Variants in SCAF8 observed in about 807,000 individuals in gnomAD.
SCAF8 encodes SR-related and CTD-associated factor 8.
Under a neutral mutation model 140.5 loss-of-function variants are expected in SCAF8, and 23 were observed. The ratio of observed to expected loss-of-function variants is 0.16; its 90% CI spans 0.12 to 0.23. SCAF8 has a LOEUF of 0.23. SCAF8 is among the 10% of genes least tolerant of loss of function. The probability of loss-of-function intolerance (pLI) is 1.00; values close to 1 mark genes in which losing one functional copy is unlikely to be tolerated. For synonymous variants in SCAF8, 575 were observed against 528.9 expected (o/e 1.09, Z -1.20); for missense variants, 1,397 against 1,555.7 (o/e 0.90, Z 1.72).
chr6:154,749,495 C>T (rs183986652), intron 1 of SCAF8, among the ~76,000 whole-genome samples: 1 of 152,202 alleles, frequency 6.6e-6, no homozygotes, highest in Non-Finnish European at 1.5e-5. Flanking sequence ...CAAGCTCTTT[C>T]TGATGGGGTG....
At chr6:154,745,355 G>A (rs1778672315) in intron 1 of SCAF8, among the ~76,000 whole-genome samples, 1 of 152,142 alleles carries the variant, frequency 6.6e-6, no homozygotes, top group African/African-American at 2.4e-5. Flanking sequence ...TCCATTAATA[G>A]GGATGTAGAG....
rs1583039636 is a variant in SCAF8 at position 154,792,819 on chromosome 6, C to T, written c.322-4C>T. On this transcript the variant is annotated splice_region_variant and splice_polypyrimidine_tract_variant and intron_variant, in intron 4 of 19. Coordinates refer to ENST00000367178, the MANE Select transcript of SCAF8 (RefSeq NM_014892.5). ...CAAAATGTCATGTTTCTTTTTTTCT[C>T]TAGAGTAAAATAGTGAGAGTACTAA... The T allele has an allele frequency of 6.3e-7, 1 of 1,579,724 alleles. No individual in the cohort carries two copies. The highest frequency in any genetic ancestry group is 1.9e-5 in the Admixed American group (1 of 53,812).
intron 6 of SCAF8, among the ~76,000 whole-genome samples, chr6:154,799,215 C>T (rs986969472): frequency 2.7e-5 from 4 of 150,896 alleles, no homozygotes; most frequent in East Asian, 1.9e-4. Context: ...TGACCTCAGG[C>T]GATCCCCCCA....
intron 7 of SCAF8, among the ~76,000 whole-genome samples, chr6:154,803,343 A>G (rs1777823672): frequency 6.6e-6 from 1 of 152,174 alleles, no homozygotes; most frequent in South Asian, 2.1e-4. Flanking sequence ...TTGTTTTGTT[A>G]TGTAAGATAA....
At chr6:154,820,963 T>G (rs1778405562) in intron 15 of SCAF8, among the ~76,000 whole-genome samples, 1 of 152,190 alleles carries the variant, frequency 6.6e-6, no homozygotes, top group African/African-American at 2.4e-5. Flanking sequence ...ACACCTTAGC[T>G]CTTTTATCAG....
At chr6:154,817,454 A>T (rs532796885) in intron 13 of SCAF8, among the ~76,000 whole-genome samples, 1 of 152,330 alleles carries the variant, frequency 6.6e-6, no homozygotes, top group South Asian at 2.1e-4. Flanking sequence ...TGAAATGAAG[A>T]TTCATAATCC....
In SCAF8 at chr6:154,782,561, AC is replaced by A. The variant is rs1422332533; in HGVS notation, c.159+4517del. On this transcript the variant is annotated intron_variant, in intron 3 of 19. Transcript: ENST00000367178. ...TGTCAGGGTTCTCTAGAGGGACAGA[AC>A]TAATAGGATATGTGTATATATACAC... is the stretch of plus-strand genomic sequence containing the variant. 3.3e-5 allele frequency among the ~76,000 whole-genome samples: 5 copies of A among 152,298 alleles called. No individual in the cohort carries two copies. In the East Asian group the frequency reaches 9.6e-4, roughly 29 times the overall value.
chr6:154,780,732 A>G (rs978770608), intron 3 of SCAF8, among the ~76,000 whole-genome samples: 2 of 152,136 alleles, frequency 1.3e-5, no homozygotes, highest in Admixed American at 1.3e-4. Context: ...ATAGTATTCC[A>G]TGGTGTATAT....
chr6:154,777,805 T>C (rs544384141), intron 2 of SCAF8, among the ~76,000 whole-genome samples, 196 bp from the exon 3 acceptor site: 3 of 152,322 alleles, frequency 2.0e-5, no homozygotes, highest in African/African-American at 7.2e-5. Flanking sequence ...ACATCTACTT[T>C]AGAGAAGCCC....
intron 14 of SCAF8, among the ~76,000 whole-genome samples, 188 bp downstream of exon 14, chr6:154,818,780 TGA>T (rs933962096): frequency 6.6e-6 from 1 of 152,192 alleles, no homozygotes; most frequent in African/African-American, 2.4e-5. Context: ...TTCAGTTCGT[TGA>T]GTTATAGAAT....
intron 1 of SCAF8, among the ~76,000 whole-genome samples, chr6:154,765,123 A>G (rs910768863): frequency 1.3e-5 from 2 of 152,246 alleles, no homozygotes; most frequent in African/African-American, 4.8e-5. Flanking sequence ...GGCCAGCATC[A>G]TCATCATATT....
At position 154,778,064 on chromosome 6, in the gene SCAF8, A is replaced by G; in HGVS notation, c.159+19A>G. 1 of 1,410,354 alleles carries G rather than the reference A, an allele frequency of 7.1e-7. No individual in the cohort carries two copies. The highest frequency in any genetic ancestry group is 2.3e-5 in the East Asian group (1 of 43,456). 87.4% of individuals were successfully genotyped at this position (1,410,354 alleles called of 1,614,324 possible). A position where few individuals can be genotyped will look rare whatever the true frequency, so the allele number is the denominator to read the frequency against. ...TCAGAAAGTAAGTATATAATTTTCCATACATGTGCTGTAATTGTAGATTAA... is the reference window on the plus strand; with the variant it reads ...TCAGAAAGTAAGTATATAATTTTCCGTACATGTGCTGTAATTGTAGATTAA... On this transcript the variant is annotated intron_variant, in intron 3 of 19. Coordinates refer to ENST00000367178, the MANE Select transcript of SCAF8 (RefSeq NM_014892.5).
rs142197609 is a variant in SCAF8, at chr6:154,767,158, T to C, written c.31-6831T>C. Among the ~76,000 whole-genome samples the C allele has an allele frequency of 2.4e-3, 363 of 152,310 alleles. 1 individual carries two copies. The highest frequency in any genetic ancestry group is 4.8e-3 in the Admixed American group (74 of 15,304). On this transcript the variant is annotated intron_variant, in intron 1 of 19. Transcript: ENST00000367178. ...GAACCAGTCCAAAAAAAAGCATTTT[T>C]CTTGCCCAGGCCTTCCTTCTGTGCA... is the stretch of plus-strand genomic sequence containing the variant.
At chr6:154,763,083 A>G (rs1417069493) in intron 1 of SCAF8, among the ~76,000 whole-genome samples, 2 of 151,942 alleles carry the variant, frequency 1.3e-5, no homozygotes, top group South Asian at 4.1e-4. Context: ...TTTTCTTCTT[A>G]TTTCATCATT....
chr6:154,786,932 A>G (rs1361583575), intron 3 of SCAF8, among the ~76,000 whole-genome samples: 1 of 152,252 alleles, frequency 6.6e-6, no homozygotes, highest in African/African-American at 2.4e-5. Flanking sequence ...CTAATGTACC[A>G]GTGAAGGAAA....
At chr6:154,814,272 C>T (rs533440347) in intron 12 of SCAF8, among the ~76,000 whole-genome samples, 7 of 152,312 alleles carry the variant, frequency 4.6e-5, no homozygotes, top group East Asian at 1.9e-4. Flanking sequence ...GAGCTGAGAT[C>T]GCATCACTGC....
Position 154,832,647 on chromosome 6 carries a change from C to T in SCAF8, c.3068C>T (p.Thr1023Ile). Reference sequence around the variant, plus strand: ...GATTACCGGTTTCCTCCTATAGAAACCAGGGAAAGCATTAGTAGACCTCCC... The same window carrying T: ...GATTACCGGTTTCCTCCTATAGAAATCAGGGAAAGCATTAGTAGACCTCCC... ...DRDYRFPPIE[T>I]RESISRPPPV... The change falls in exon 20 of 20, where the codon ACC (threonine) becomes ATC (isoleucine). Residue 1023 changes from threonine (T) to isoleucine (I), a missense_variant. Thr to Ile is a moderately conservative substitution (Grantham distance 89). This residue lies in a region of SCAF8 where 930 missense variants were observed against 874.6 expected (regional missense o/e 1.06). Coordinates refer to ENST00000367178, the MANE Select transcript of SCAF8 (RefSeq NM_014892.5). 1 of 1,613,934 alleles carries T rather than the reference C, an allele frequency of 6.2e-7. No individual in the cohort carries two copies.
intron 13 of SCAF8, among the ~76,000 whole-genome samples, chr6:154,817,005 G>A (rs1241565940): frequency 1.3e-5 from 2 of 150,426 alleles, no homozygotes; most frequent in Admixed American, 1.3e-4. Flanking sequence ...CCACAAGAGT[G>A]CTGTCGACCT....
At chr6:154,767,744 GC>G (rs1776623405) in intron 1 of SCAF8, among the ~76,000 whole-genome samples, 1 of 151,788 alleles carries the variant, frequency 6.6e-6, no homozygotes, top group Non-Finnish European at 1.5e-5. Context: ...TTGCCATGTT[GC>G]CCAGGCTGGT....
Sources: gnomAD v4.1 joint callset for allele counts (sites outside exome capture counted in the v4.1 genomes callset) on GRCh38, gnomAD v4.1.1 for gene constraint, gnomAD v4.1.1 regional missense constraint, MANE v1.5 for transcripts, NCBI Gene and HGNC (gene_info 2026-07-23, HGNC 2026-07-21) for gene names.